PCDHA5: variants seen among roughly 807,000 people sequenced by gnomAD.
PCDHA5 encodes the protein protocadherin alpha 5.
A neutral mutation model predicts 61.6 loss-of-function variants in PCDHA5; 43 were observed. That is an observed-to-expected ratio of 0.70 (90% confidence interval 0.55 to 0.90). The LOEUF (loss-of-function observed/expected upper bound fraction) is 0.90. PCDHA5 is among the 40% of genes least tolerant of loss of function. PCDHA5 has a pLI of 0.00. For synonymous variants in PCDHA5, 627 were observed against 543.9 expected, an observed-to-expected ratio of 1.15 and a Z score of -2.13; for missense variants, 1,298 against 1,222.7, an observed-to-expected ratio of 1.06 and a Z score of -0.92.
chr5:140,987,035 G>A (rs992580023), intron 3 of PCDHA5, among the ~76,000 whole-genome samples: 2 of 151,946 alleles, frequency 1.3e-5, no homozygotes, highest in African/African-American at 4.8e-5. Flanking sequence ...TCAACATGGC[G>A]AAACCCCATC....
At chr5:140,830,362 G>T (rs1771019100) in intron 1 of PCDHA5, 1 of 1,614,120 alleles carries the variant, frequency 6.2e-7, no homozygotes, top group Non-Finnish European at 8.5e-7. Flanking sequence ...GGCGGCAGAG[G>T]GTGTGCTCCG....
chr5:140,918,496 A>G lies in PCDHA5; in HGVS notation c.2353-60453A>G, dbSNP rs79827125. Among the ~76,000 whole-genome samples the G allele has an allele frequency of 8.0e-3, 1,215 of 152,276 alleles. 6 individuals are homozygous for G. Among genetic ancestry groups the G allele is most frequent in the African/African-American group, 0.019 (784 of 41,558 alleles). On this transcript the variant is annotated intron_variant, in intron 1 of 3. Transcript: ENST00000529859. ...TCTCAAGGGGAATGCTTTGGATGGT[A>G]CCAATCCTTTTAAACTTATTGAGGA...
intron 1 of PCDHA5, chr5:140,842,088 A>T: frequency 6.2e-7 from 1 of 1,613,938 alleles, no homozygotes. Context: ...GAAAACGCAG[A>T]CAACGGAACA....
At chr5:140,989,319 A>G (rs1291622013) in intron 3 of PCDHA5, among the ~76,000 whole-genome samples, 1 of 152,138 alleles carries the variant, frequency 6.6e-6, no homozygotes, top group Admixed American at 6.5e-5. Context: ...GGGTCTCACC[A>G]ACTTTGCCAC....
chr5:140,927,720 G>T lies in PCDHA5; in HGVS notation c.2353-51229G>T. The T allele has an allele frequency of 3.1e-6, 5 of 1,614,174 alleles. No homozygotes were observed. The Middle Eastern group carries it at 4.9e-4, about 160-fold the overall frequency. On this transcript the variant is annotated intron_variant, in intron 1 of 3. Coordinates refer to ENST00000529859, the MANE Select transcript of PCDHA5 (RefSeq NM_018908.3). ...TCCAGTACTCCCTAAGCAACAGCACGCAAGCAGAGCTGCGACACCGCTTTC... is the reference window on the plus strand; with the variant it reads ...TCCAGTACTCCCTAAGCAACAGCACTCAAGCAGAGCTGCGACACCGCTTTC...
At chr5:140,857,896 T>C in intron 1 of PCDHA5, 1 of 1,597,704 alleles carries the variant, frequency 6.3e-7, no homozygotes, top group Non-Finnish European at 8.6e-7. Flanking sequence ...CGGCGGTTGG[T>C]GCACGCATCC....
At chr5:140,830,409 G>C (rs2150186179) in intron 1 of PCDHA5, 1 of 1,614,158 alleles carries the variant, frequency 6.2e-7, no homozygotes. Context: ...ATGGCCTTTA[G>C]CCCCAGCCTT....
rs557035841 is a variant in PCDHA5, at chr5:140,907,537, A to G, written c.2353-71412A>G. On this transcript the variant is annotated intron_variant, in intron 1 of 3. Coordinates refer to ENST00000529859, the MANE Select transcript of PCDHA5 (RefSeq NM_018908.3). ...GTGAGGACAAATCGCTGCCCTTTCT[A>G]TGATGGAAGAGGTCCAATATAATCA... 7.9e-5 allele frequency among the ~76,000 whole-genome samples: 12 copies of G among 152,370 alleles called. No homozygotes were observed. The South Asian group carries it at 1.2e-3, about 16-fold the overall frequency.
intron 1 of PCDHA5, among the ~76,000 whole-genome samples, chr5:140,903,156 T>G (rs1287323901): frequency 6.6e-6 from 1 of 152,232 alleles, no homozygotes; most frequent in Non-Finnish European, 1.5e-5. Flanking sequence ...CCATAGTGGT[T>G]GTGCTGGTTT....
intron 3 of PCDHA5, among the ~76,000 whole-genome samples, chr5:140,986,632 A>T (rs1262339478): frequency 6.6e-6 from 1 of 152,170 alleles, no homozygotes; most frequent in African/African-American, 2.4e-5. Flanking sequence ...AGGCAACAGT[A>T]CATTAGTTTT....
intron 1 of PCDHA5, chr5:140,863,768 G>C (rs2048166638): frequency 4.1e-6 from 1 of 242,260 alleles, no homozygotes; most frequent in African/African-American, 2.2e-5. Flanking sequence ...GGAAGCCGAG[G>C]CGGGCGGATC....
chr5:141,008,299 C>G (rs1223779122), intron 3 of PCDHA5, among the ~76,000 whole-genome samples: 9 of 152,238 alleles, frequency 5.9e-5, no homozygotes, highest in Non-Finnish European at 1.2e-4. Context: ...TGTACCCAAC[C>G]CTAAACTGTA....
At chr5:140,969,470 T>G in intron 1 of PCDHA5, 1 of 1,483,706 alleles carries the variant, frequency 6.7e-7, no homozygotes, top group African/African-American at 1.4e-5. Context: ...TATCCACAAT[T>G]TGATCATAAT....
intron 1 of PCDHA5, among the ~76,000 whole-genome samples, chr5:140,955,016 T>C (rs1389069329): frequency 6.6e-6 from 1 of 152,226 alleles, no homozygotes; most frequent in Admixed American, 6.5e-5. Context: ...CCCAGCACCA[T>C]TTATTAAATA....
chr5:140,883,356 C>A, intron 1 of PCDHA5: 1 of 1,614,190 alleles, frequency 6.2e-7, no homozygotes, highest in Non-Finnish European at 8.5e-7. Flanking sequence ...AGAGAAGACA[C>A]TCAGCCTAGC....
At chr5:140,992,251 A>G (rs1554252780) in intron 3 of PCDHA5, among the ~76,000 whole-genome samples, 1 of 152,198 alleles carries the variant, frequency 6.6e-6, no homozygotes, top group Non-Finnish European at 1.5e-5. Flanking sequence ...AAGTAGAGCT[A>G]AAGATGAAAG....
At chr5:140,869,605 T>C (rs782447414) in intron 1 of PCDHA5, 132 of 1,613,940 alleles carry the variant, frequency 8.2e-5, no homozygotes, top group Non-Finnish European at 1.1e-4. Context: ...GAATGCTCTA[T>C]TGACCTACAG....
chr5:140,824,869 T>G (rs2150137478), intron 1 of PCDHA5: 15 of 152,136 alleles, frequency 9.9e-5, no homozygotes, highest in Admixed American at 3.3e-4. Flanking sequence ...ATTGTATTTT[T>G]GCAGCATATG....
At chr5:140,925,072 G>C (rs921580794) in intron 1 of PCDHA5, among the ~76,000 whole-genome samples, 1 of 149,184 alleles carries the variant, frequency 6.7e-6, no homozygotes, top group Non-Finnish European at 1.5e-5. Context: ...AAAGCAACAC[G>C]CTCATCTGGA....
Sources: allele counts gnomAD v4.1 joint callset (sites outside exome capture counted in the v4.1 genomes callset), GRCh38; gene constraint gnomAD v4.1.1; transcripts MANE v1.5; gene names NCBI Gene and HGNC (gene_info 2026-07-23, HGNC 2026-07-21).